Variants in RNF216 observed in about 807,000 individuals in gnomAD.
The protein encoded by RNF216 is E3 ubiquitin-protein ligase RNF216.
RNF216 carries 72 observed loss-of-function variants against 110.8 expected under a neutral mutation model. The ratio of observed to expected loss-of-function variants is 0.65; its 90% CI spans 0.54 to 0.79. The LOEUF (loss-of-function observed/expected upper bound fraction) is 0.79. RNF216 is among the 30% of genes least tolerant of loss of function. The pLI, the probability that RNF216 is intolerant of heterozygous loss-of-function variation, is 0.00. For missense variants in RNF216, 1,342 were observed against 1,141.2 expected, an observed-to-expected ratio of 1.18 and a Z score of -2.54; for synonymous variants, 495 against 407.5, an observed-to-expected ratio of 1.21 and a Z score of -2.59.
chr7:5,661,837 G>C (rs1270019303), intron 13 of RNF216, among the ~76,000 whole-genome samples: 2 of 152,146 alleles, frequency 1.3e-5, no homozygotes, highest in African/African-American at 4.8e-5. Context: ...AAGAGAAAAA[G>C]AAGGCTCAGA....
At chr7:5,623,783 C>G (rs1293425713) in intron 16 of RNF216, among the ~76,000 whole-genome samples, 1 of 152,132 alleles carries the variant, frequency 6.6e-6, no homozygotes, top group African/African-American at 2.4e-5. Flanking sequence ...TTTTCTTTAG[C>G]CAGGTGTGGC....
intron 12 of RNF216, 56 bp downstream of exon 12, chr7:5,712,659 G>C (rs2128630162): frequency 6.3e-7 from 1 of 1,577,184 alleles, no homozygotes; most frequent in Middle Eastern, 1.7e-4. Context: ...AAGTGCCCAG[G>C]TAGTTTTCAC....
chr7:5,729,537 G>A lies in RNF216; in HGVS notation c.1284C>T (p.Phe428=), dbSNP rs372237798. ...SKLTPLDQRC[F]IQAADLLMAD... is the part of the protein sequence containing the mutation. ...CCATGAGGAGGTCAGCAGCTTGGAT[G>A]AAGCAGCGCTGGTCAAGAGGGGTCA... The change falls in exon 7 of 17, where the codon TTC becomes TTT. Residue 428 remains phenylalanine (F), a synonymous_variant. Transcript: ENST00000389902. 3.7e-6 allele frequency: 6 copies of A among 1,613,980 alleles called. No homozygotes were observed. The highest frequency in any genetic ancestry group is 5.1e-6 in the Non-Finnish European group (6 of 1,179,944).
intron 9 of RNF216, among the ~76,000 whole-genome samples, chr7:5,719,896 C>T (rs970161720): frequency 1.3e-5 from 2 of 152,134 alleles, no homozygotes; most frequent in African/African-American, 4.8e-5. Flanking sequence ...GCTTCATATC[C>T]TGGGATGTGG....
At position 5,682,469 on chromosome 7, in the gene RNF216, G is replaced by A. The variant is rs571337999; in HGVS notation, c.2061+29292C>T. On this transcript the variant is annotated intron_variant, in intron 13 of 16. Transcript: ENST00000389902. ...GTTGCCCAGGCTGCAGTGCAGTGGC[G>A]CGGTCTTGTCTTACTGCAACCCCTG... 1.2e-4 allele frequency among the ~76,000 whole-genome samples: 18 copies of A among 150,216 alleles called. No individual in the cohort carries two copies. The East Asian group carries it at 1.8e-3, about 15-fold the overall frequency.
intron 4 of RNF216, among the ~76,000 whole-genome samples, chr7:5,740,104 CTTTTTTTTTTTTTTTTTTTTTTTTTT>C (rs71004698): frequency 1.1e-4 from 13 of 118,470 alleles, no homozygotes; most frequent in East Asian, 2.4e-4. Context: ...GATGTAACAC[CTTTTTTTTTTTTTTTTTTTTTTTTTT>C]TTTTTTTTTT....
rs781594576 is a variant in RNF216, at chr7:5,752,955, G to T, written c.92C>A (p.Pro31His). The stretch of plus-strand genomic sequence containing the variant: ...ATCTGAGGAGTCAGATATGGTGATG[G>T]GCCCATCTCGGAGATTGATCCACTC... ...GQEWINLRDG[P>H]ITISDSSDEE... Residue 31 changes from proline to histidine, a missense_variant, in exon 3 of 17, where the codon CCC (proline) becomes CAC (histidine). Transcript: ENST00000389902. The T allele has an allele frequency of 6.2e-7, 1 of 1,611,070 alleles. No homozygotes were observed. Among genetic ancestry groups the T allele is most frequent in the Non-Finnish European group, 8.5e-7 (1 of 1,178,790 alleles).
chr7:5,693,530 A>C (rs1041880413), intron 13 of RNF216, among the ~76,000 whole-genome samples: 1 of 152,220 alleles, frequency 6.6e-6, no homozygotes, highest in African/African-American at 2.4e-5. Flanking sequence ...TGAGGAAGGA[A>C]AGAGCAGGAA....
intron 13 of RNF216, among the ~76,000 whole-genome samples, chr7:5,710,029 C>T (rs191774575): frequency 2.0e-5 from 3 of 152,296 alleles, no homozygotes; most frequent in African/African-American, 7.2e-5. Flanking sequence ...GCTGGGATTA[C>T]AGGCATGAGC....
chr7:5,708,666 G>T (rs1320582788), intron 13 of RNF216, among the ~76,000 whole-genome samples: 1 of 152,036 alleles, frequency 6.6e-6, no homozygotes, highest in African/African-American at 2.4e-5. Context: ...CTTTTTTCAG[G>T]AGCTTGCAAG....
At chr7:5,694,203 C>T (rs921911856) in intron 13 of RNF216, among the ~76,000 whole-genome samples, 1 of 152,312 alleles carries the variant, frequency 6.6e-6, no homozygotes, top group East Asian at 1.9e-4. Context: ...CATTTTAGGA[C>T]GGCCTACTCA....
At chr7:5,740,104 CTTTTTTTTTTTTTTTTTTTT>C (rs71004698) in intron 4 of RNF216, among the ~76,000 whole-genome samples, 31 of 118,488 alleles carry the variant, frequency 2.6e-4, no homozygotes, top group African/African-American at 8.2e-4. Flanking sequence ...GATGTAACAC[CTTTTTTTTTTTTTTTTTTTT>C]TTTTTTTTTT....
At chr7:5,651,258 C>T (rs1788368541) in intron 14 of RNF216, among the ~76,000 whole-genome samples, 1 of 151,622 alleles carries the variant, frequency 6.6e-6, no homozygotes, top group Admixed American at 6.6e-5. Context: ...GAGTCTCGCT[C>T]TGTCGCCCAG....
At chr7:5,739,593 T>G (rs1794636193) in intron 4 of RNF216, 3 of 588,168 alleles carry the variant, frequency 5.1e-6, no homozygotes, top group Non-Finnish European at 9.6e-6. Context: ...AGATCCATTC[T>G]TCATTGCTTC....
chr7:5,681,102 C>T (rs189393909), intron 13 of RNF216, among the ~76,000 whole-genome samples: 92 of 152,252 alleles, frequency 6.0e-4, no homozygotes, highest in African/African-American at 2.1e-3. Context: ...ACAGCTTGTC[C>T]CTGGCTCTTT....
intron 14 of RNF216, chr7:5,649,506 C>G (rs1242758709): frequency 6.6e-6 from 1 of 151,902 alleles, no homozygotes; most frequent in Non-Finnish European, 1.5e-5. Context: ...AAGACACTGT[C>G]TCAAGGCGAG....
chr7:5,693,699 T>C (rs1791466333), intron 13 of RNF216, among the ~76,000 whole-genome samples: 1 of 152,192 alleles, frequency 6.6e-6, no homozygotes, highest in Non-Finnish European at 1.5e-5. Flanking sequence ...ATATCAAAGC[T>C]GCTCCCTGTG....
In RNF216 at chr7:5,623,082, T is replaced by A; in HGVS notation, c.2550A>T (p.Pro850=). 6.2e-7 allele frequency: 1 copy of A among 1,612,112 alleles called. No homozygotes were observed. The highest frequency in any genetic ancestry group is 8.5e-7 in the Non-Finnish European group (1 of 1,178,518). The change falls in exon 17 of 17, where the codon CCA becomes CCT. Residue 850 remains proline (P), a synonymous_variant. Coordinates refer to ENST00000389902, the MANE Select transcript of RNF216 (RefSeq NM_207111.4). ...ALPRPVPQNL[P]QPQMPPYAFA... is the part of the protein sequence containing the mutation. ...AGGCATAGGGTGGCATCTGTGGCTG[T>A]GGCAGGTTCTGCGGAACGGGCCTCG...
chr7:5,677,096 G>C (rs1790347964), intron 13 of RNF216, among the ~76,000 whole-genome samples: 1 of 152,190 alleles, frequency 6.6e-6, no homozygotes, highest in African/African-American at 2.4e-5. Flanking sequence ...CTTGTTTTTA[G>C]GGCACTCTGA....
Sources: allele counts gnomAD v4.1 joint callset (sites outside exome capture counted in the v4.1 genomes callset), GRCh38; gene constraint gnomAD v4.1.1; transcripts MANE v1.5; gene names NCBI Gene and HGNC (gene_info 2026-07-23, HGNC 2026-07-21).